The following ARHGAP33 variants were observed in gnomAD, a reference collection of about 807,000 sequenced individuals.
ARHGAP33 encodes the protein rho GTPase-activating protein 33.
ARHGAP33 carries 57 observed loss-of-function variants against 126.2 expected under a neutral mutation model. That is an observed-to-expected ratio of 0.45 (90% CI 0.36 to 0.56). ARHGAP33 has a LOEUF of 0.56. Ranked by LOEUF, ARHGAP33 falls within the 20% of genes least tolerant of loss-of-function variation. The pLI, the probability that ARHGAP33 is intolerant of heterozygous loss-of-function variation, is 0.00. For synonymous variants in ARHGAP33, 711 were observed against 755.0 expected (o/e 0.94, Z 0.95); for missense variants, 1,500 against 1,748.3 (o/e 0.86, Z 2.53).
At position 35,788,003 on chromosome 19, in the gene ARHGAP33, C is replaced by T; in HGVS notation, c.3438C>T (p.Pro1146=). ...ACCCGCCAGCCCCCTCCTGCTTTCC[C>T]CCTGACCACCTTGGCTACTCAGCCC... ...LSYPPAPSCF[P]PDHLGYSAPQ... Residue 1146 remains proline (P), a synonymous_variant, in exon 21 of 21, where the codon CCC becomes CCT. Transcript: ENST00000007510. 1.9e-6 allele frequency: 3 copies of T among 1,596,084 alleles called. No individual in the cohort carries two copies. The South Asian group carries it at 3.3e-5, about 18-fold the overall frequency.
chr19:35,786,341 T>C lies in ARHGAP33; in HGVS notation c.1943-72T>C. The C allele has an allele frequency of 6.8e-7, 1 of 1,463,212 alleles. No individual in the cohort carries two copies. The highest frequency in any genetic ancestry group is 2.5e-5 in the East Asian group (1 of 40,302). The allele number at this position is 1,463,212 out of a possible 1,614,324, so 90.6% of individuals were successfully genotyped here. Reference sequence around the variant, plus strand: ...CCTCTCCAGGAGGCGCCTCTTCATGTCCTTTCCCCAGCTTTCTGTGGGGCT... The same window carrying C: ...CCTCTCCAGGAGGCGCCTCTTCATGCCCTTTCCCCAGCTTTCTGTGGGGCT... On this transcript the variant is annotated intron_variant, in intron 19 of 20. Coordinates refer to ENST00000007510, the MANE Select transcript of ARHGAP33 (RefSeq NM_001366178.1). The surrounding 1 kb of genome is among the most constrained non-coding windows in gnomAD (Gnocchi z 7.0).
rs969120491 is a variant in ARHGAP33 at position 35,788,271 on chromosome 19, AG to A, written c.3709del (p.Ala1237GlnfsTer92). ...CCCTCCTGAGCCTCTCCTGCTCTAC[AG>A]GGCAGCCCCGCCAGCCTACGGAAGG... ...WGPPEPLLLY[R>X]AAPPAYGRGG... On this transcript the variant is annotated frameshift_variant, in exon 21 of 21. Transcript: ENST00000007510. LOFTEE classifies it high-confidence loss of function. 1.2e-6 allele frequency: 2 copies of A among 1,607,882 alleles called. No individual in the cohort carries two copies. The highest frequency in any genetic ancestry group is 2.7e-5 in the African/African-American group (2 of 74,058).
rs961415281 is a variant in ARHGAP33 at position 35,775,610 on chromosome 19, G to A, written c.-49G>A. 3.3e-6 allele frequency: 5 copies of A among 1,496,170 alleles called. No homozygotes were observed. Among genetic ancestry groups the A allele is most frequent in the East Asian group, 5.9e-5 (2 of 34,026 alleles). 92.7% of individuals were successfully genotyped at this position (1,496,170 alleles called of 1,614,324 possible). The stretch of plus-strand genomic sequence containing the variant: ...TGGCGGCGGCAGCGGCGACGAGAAC[G>A]GCGAGCGAGGGGTCGAGCGCGGCCG... On this transcript the variant is annotated 5_prime_UTR_variant, in exon 1 of 21. Coordinates refer to ENST00000007510, the MANE Select transcript of ARHGAP33 (RefSeq NM_001366178.1).
Position 35,787,010 on chromosome 19 carries a change from C to T in ARHGAP33, c.2540C>T (p.Pro847Leu), listed in dbSNP as rs776070452. Reference sequence around the variant, plus strand: ...CTGCTGCTGCGAGGAGCCGAGGCCCCGCTGACTGACGCCTGCCAGCAGGAG... The same window carrying T: ...CTGCTGCTGCGAGGAGCCGAGGCCCTGCTGACTGACGCCTGCCAGCAGGAG... ...IPLLLRGAEA[P>L]LTDACQQEMC... The change falls in exon 20 of 21, where the codon CCG (proline) becomes CTG (leucine). Residue 847 changes from proline (P) to leucine (L), a missense_variant. Physicochemically the swap from Pro to Leu is moderately conservative, Grantham distance 98 (BLOSUM62 -3). This residue lies in a region of ARHGAP33 where 642 missense variants were observed against 634.0 expected (regional missense o/e 1.01). Coordinates refer to ENST00000007510, the MANE Select transcript of ARHGAP33 (RefSeq NM_001366178.1). The T allele has an allele frequency of 1.8e-5, 29 of 1,609,190 alleles. No individual in the cohort carries two copies. Among genetic ancestry groups the T allele is most frequent in the East Asian group, 2.2e-5 (1 of 44,726 alleles).
chr19:35,780,583 T>C lies in ARHGAP33; in HGVS notation c.704T>C (p.Val235Ala). The C allele has an allele frequency of 6.2e-7, 1 of 1,608,042 alleles. No homozygotes were observed. Among genetic ancestry groups the C allele is most frequent in the East Asian group, 2.3e-5 (1 of 44,438 alleles). The change falls in exon 9 of 21, where the codon GTC becomes GCC. Residue 235 changes from valine to alanine, a missense_variant and splice_region_variant. This residue lies in a region of ARHGAP33 where 281 missense variants were observed against 413.7 expected (regional missense o/e 0.68). Coordinates refer to ENST00000007510, the MANE Select transcript of ARHGAP33 (RefSeq NM_001366178.1). Reference sequence around the variant, plus strand: ...GCTACTGACCCTGACCTTCCTCAGGTCGGGTTCTTCCCCAGTGAGTGTGTG... The same window carrying C: ...GCTACTGACCCTGACCTTCCTCAGGCCGGGTTCTTCCCCAGTGAGTGTGTG... ...SWWRGKRGFQVGFFPSECVEL... is the reference protein window; with the variant it reads ...SWWRGKRGFQAGFFPSECVEL...
chr19:35,788,378 C>T lies in ARHGAP33; in HGVS notation c.3813C>T (p.Pro1271=), dbSNP rs1270464359. Residue 1271 remains proline, a synonymous_variant, in exon 21 of 21, where the codon CCC becomes CCT. Coordinates refer to ENST00000007510, the MANE Select transcript of ARHGAP33 (RefSeq NM_001366178.1). ...GGGCTGGTCCCCCACCCCCTTACCC[C>T]ACTCCCAGCTGGTCCCTCCACTCTG... The part of the protein sequence containing the change: ...GEGAGPPPPY[P]TPSWSLHSEG... 1 of 1,591,138 alleles carries T rather than the reference C, an allele frequency of 6.3e-7. No individual in the cohort carries two copies. The highest frequency in any genetic ancestry group is 8.6e-7 in the Non-Finnish European group (1 of 1,169,556).
At chr19:35,784,784 T>G in intron 16 of ARHGAP33, 169 bp from the exon 17 acceptor site, 2 of 1,168,612 alleles carry the variant, frequency 1.7e-6, no homozygotes, top group Non-Finnish European at 1.1e-6. Context: ...CCCGCCCTCC[T>G]CCCACCTGCC....
rs746065541 is a variant in ARHGAP33 at position 35,782,748 on chromosome 19, G to T, written c.1314-14G>T. ...GGGTTGAGGCTCAGGTGCCCCCTCT[G>T]CTCCCACCCCCAGGACCCTGGAGTA... On this transcript the variant is annotated splice_polypyrimidine_tract_variant and intron_variant, in intron 14 of 20. Coordinates refer to ENST00000007510, the MANE Select transcript of ARHGAP33 (RefSeq NM_001366178.1). The surrounding 1 kb of genome is among the most constrained non-coding windows in gnomAD (Gnocchi z 4.1). The T allele has an allele frequency of 4.3e-6, 7 of 1,611,766 alleles. No homozygotes were observed. The South Asian group carries it at 5.5e-5, about 13-fold the overall frequency.
In ARHGAP33 at chr19:35,782,476, C is replaced by T; in HGVS notation, c.1189C>T (p.Pro397Ser). The change falls in exon 13 of 21, where the codon CCG becomes TCG. Residue 397 changes from proline (P) to serine (S), a missense_variant. Physicochemically the swap from Pro to Ser is moderately conservative, Grantham distance 74. This residue lies in a region of ARHGAP33 where 281 missense variants were observed against 413.7 expected (regional missense o/e 0.68). Coordinates refer to ENST00000007510, the MANE Select transcript of ARHGAP33 (RefSeq NM_001366178.1). This position sits in a 1 kb window ranked among gnomAD's most constrained non-coding sequence, Gnocchi z 4.1. ...CTGCAAGCTCTACTTCCGAGAGCTT[C>T]CGAACCCTCTGCTCACCTACCAGCT... is the stretch of plus-strand genomic sequence containing the variant. ...SLCKLYFREL[P>S]NPLLTYQLYG... 6.2e-7 allele frequency: 1 copy of T among 1,613,552 alleles called. No individual in the cohort carries two copies.
intron 3 of ARHGAP33, 26 bp from the exon 4 acceptor site, chr19:35,778,254 A>T: frequency 6.2e-7 from 1 of 1,613,484 alleles, no homozygotes; most frequent in Non-Finnish European, 8.5e-7. Context: ...ACAAAAGTCC[A>T]CCTGGGCCTT....
chr19:35,775,742 GC>G (rs1971419014), intron 1 of ARHGAP33, 78 bp downstream of exon 1: 8 of 1,351,546 alleles, frequency 5.9e-6, no homozygotes, highest in East Asian at 3.1e-5. Context: ...CGCGCGCCCC[GC>G]CCCCGGCCCC....
intron 1 of ARHGAP33, among the ~76,000 whole-genome samples, chr19:35,776,702 T>C (rs1971476484): frequency 6.6e-6 from 1 of 152,188 alleles, no homozygotes; most frequent in South Asian, 2.1e-4. Flanking sequence ...GGGAGCTCAG[T>C]CTGGGGCCCT....
chr19:35,777,256 C>T (rs577050902), intron 1 of ARHGAP33, among the ~76,000 whole-genome samples: 94 of 152,118 alleles, frequency 6.2e-4, no homozygotes, highest in African/African-American at 2.1e-3. Context: ...CAGGCTATTG[C>T]GGAAAAGCTG....
intron 19 of ARHGAP33, 142 bp downstream of exon 19, chr19:35,785,625 T>C: frequency 6.8e-7 from 1 of 1,468,816 alleles, no homozygotes; most frequent in Non-Finnish European, 9.0e-7. Context: ...GGCCTTTATG[T>C]ACAATGAGTT....
chr19:35,788,453 T>C lies in ARHGAP33; in HGVS notation c.*24T>C. The C allele has an allele frequency of 6.7e-7, 1 of 1,496,584 alleles. No homozygotes were observed. Among genetic ancestry groups the C allele is most frequent in the Non-Finnish European group, 8.9e-7 (1 of 1,121,178 alleles). 92.7% of individuals were successfully genotyped at this position (1,496,584 alleles called of 1,614,324 possible). A position where few individuals can be genotyped will look rare whatever the true frequency, so the allele number is the denominator to read the frequency against. On this transcript the variant is annotated 3_prime_UTR_variant, in exon 21 of 21. Transcript: ENST00000007510. ...GAGCACCAGCTGGGAGGGGCCGTCC[T>C]TCCTTCCCTTCACCCTCACTGGATC... is the stretch of plus-strand genomic sequence containing the variant.
Position 35,781,860 on chromosome 19 carries a change from TAG to T in ARHGAP33, c.1086-510_1086-509del, listed in dbSNP as rs376632751. Among the ~76,000 whole-genome samples, 47 of 151,716 alleles carry T rather than the reference TAG, an allele frequency of 3.1e-4. No individual in the cohort carries two copies. In the South Asian group the frequency reaches 9.2e-3, roughly 30 times the overall value. ...GAGGGCTCTGAGCCGGGGCGGGGTC[TAG>T]AGGCGGGGAGGAGCCAGGCGAGATC... On this transcript the variant is annotated intron_variant, in intron 12 of 20. Transcript: ENST00000007510.
At chr19:35,776,523 A>G (rs1458006063) in intron 1 of ARHGAP33, among the ~76,000 whole-genome samples, 1 of 152,172 alleles carries the variant, frequency 6.6e-6, no homozygotes, top group Non-Finnish European at 1.5e-5. Context: ...TTGCAGGGAC[A>G]TGGAGCAGGG....
In ARHGAP33 at chr19:35,787,753, G is replaced by A. The variant is rs757969131; in HGVS notation, c.3188G>A (p.Ser1063Asn). 1 of 1,580,632 alleles carries A rather than the reference G, an allele frequency of 6.3e-7. No individual in the cohort carries two copies. ...CTGGGCCCCCCATCCTTCCAGCCCAGTTCCCCAGCCCCAGTCTGGAGGAGC... is the reference window on the plus strand; with the variant it reads ...CTGGGCCCCCCATCCTTCCAGCCCAATTCCCCAGCCCCAGTCTGGAGGAGC... ...YPLGPPSFQPSSPAPVWRSSL... is the reference protein window; with the variant it reads ...YPLGPPSFQPNSPAPVWRSSL... Residue 1063 changes from serine (S) to asparagine (N), a missense_variant, in exon 21 of 21, where the codon AGT (serine) becomes AAT (asparagine). Physicochemically the swap from Ser to Asn is conservative, Grantham distance 46. Transcript: ENST00000007510.
At position 35,780,985 on chromosome 19, in the gene ARHGAP33, C is replaced by T. The variant is rs201824798; in HGVS notation, c.895C>T (p.Arg299Trp). The part of the protein sequence containing the change: ...LRTFMRSRPS[R>W]QRLRQRGILR... ...CACCTTCATGCGCTCCCGCCCTTCT[C>T]GGCAGCGGCTGCGGCAGCGGGGAAT... The change falls in exon 11 of 21, where the codon CGG becomes TGG. Residue 299 changes from arginine to tryptophan, a missense_variant. By Grantham distance (101) the Arg-to-Trp change is moderately radical (BLOSUM62 -3). Transcript: ENST00000007510. 1.2e-4 allele frequency: 193 copies of T among 1,611,210 alleles called. No homozygotes were observed. Among genetic ancestry groups the T allele is most frequent in the Admixed American group, 1.2e-4 (7 of 60,012 alleles).
Sources: allele counts gnomAD v4.1 joint callset (sites outside exome capture counted in the v4.1 genomes callset), GRCh38; gene constraint gnomAD v4.1.1; regional missense constraint gnomAD v4.1.1; non-coding constraint Gnocchi (gnomAD v3.1); transcripts MANE v1.5; gene names NCBI Gene and HGNC (gene_info 2026-07-23, HGNC 2026-07-21).